Variants in ZRANB3 observed in about 807,000 individuals in gnomAD.
ZRANB3 encodes the protein zinc finger RANBP2-type containing 3, also known as DNA annealing helicase and endonuclease ZRANB3.
ZRANB3 carries 125 observed loss-of-function variants against 133.8 expected under a neutral mutation model. That is an observed-to-expected ratio of 0.93 (90% CI 0.81 to 1.08). ZRANB3 has a LOEUF of 1.08. Ranked by LOEUF, ZRANB3 falls within the 50% of genes least tolerant of loss-of-function variation. ZRANB3 has a pLI of 0.00. For missense variants in ZRANB3, 1,229 were observed against 1,275.5 expected, an observed-to-expected ratio of 0.96 and a Z score of 0.56; for synonymous variants, 387 against 432.7, an observed-to-expected ratio of 0.89 and a Z score of 1.31.
chr2:135,326,659 T>C (rs2104841029), intron 6 of ZRANB3, among the ~76,000 whole-genome samples: 1 of 152,052 alleles, frequency 6.6e-6, no homozygotes, highest in East Asian at 1.9e-4. Flanking sequence ...CCCAGCACTT[T>C]GGGAGGCTGA....
At chr2:135,463,375 T>C (rs1690843936) in intron 2 of ZRANB3, among the ~76,000 whole-genome samples, 1 of 152,000 alleles carries the variant, frequency 6.6e-6, no homozygotes, top group South Asian at 2.1e-4. Flanking sequence ...GAAATTTTCA[T>C]TGGTCACTTA....
chr2:135,444,084 T>C (rs1689911049), intron 2 of ZRANB3, among the ~76,000 whole-genome samples: 1 of 151,516 alleles, frequency 6.6e-6, no homozygotes, highest in Non-Finnish European at 1.5e-5. Flanking sequence ...GTAATACACA[T>C]TATTAGAATG....
intron 1 of ZRANB3, among the ~76,000 whole-genome samples, chr2:135,513,895 C>T (rs1342285194): frequency 6.6e-6 from 1 of 152,122 alleles, no homozygotes; most frequent in Non-Finnish European, 1.5e-5. Flanking sequence ...AATAGGAAAT[C>T]CTTTCCCCAT....
chr2:135,331,638 A>G (rs1345803680), intron 6 of ZRANB3, among the ~76,000 whole-genome samples: 2 of 152,128 alleles, frequency 1.3e-5, no homozygotes, highest in East Asian at 3.8e-4. Context: ...TCTAATATTG[A>G]CAGTGGGGTG....
chr2:135,515,928 T>A (rs537161997), intron 1 of ZRANB3, among the ~76,000 whole-genome samples: 2 of 152,270 alleles, frequency 1.3e-5, no homozygotes, highest in African/African-American at 4.8e-5. Context: ...TCTTTGTAGG[T>A]CTCTAAGAAT....
At chr2:135,514,065 T>G (rs1346080977) in intron 1 of ZRANB3, among the ~76,000 whole-genome samples, 1 of 152,138 alleles carries the variant, frequency 6.6e-6, no homozygotes, top group Non-Finnish European at 1.5e-5. Context: ...GAAGTCAAAC[T>G]AGGTAGCGTG....
At chr2:135,208,661 G>A (rs1175526305) in intron 18 of ZRANB3, among the ~76,000 whole-genome samples, 2 of 152,230 alleles carry the variant, frequency 1.3e-5, no homozygotes, top group African/African-American at 4.8e-5. Context: ...CCTGGTCTCA[G>A]TGTCCTTCTT....
chr2:135,329,874 G>C (rs1407453992), intron 6 of ZRANB3, among the ~76,000 whole-genome samples: 1 of 152,116 alleles, frequency 6.6e-6, no homozygotes, highest in African/African-American at 2.4e-5. Flanking sequence ...TTGGTGTATA[G>C]GAAGGCTTGT....
intron 12 of ZRANB3, among the ~76,000 whole-genome samples, chr2:135,260,754 T>C (rs1679919453): frequency 1.4e-5 from 2 of 145,840 alleles, no homozygotes; most frequent in South Asian, 2.1e-4. Flanking sequence ...TACTTGAATA[T>C]ATATAGTATA....
chr2:135,527,598 C>T (rs1002487087), intron 1 of ZRANB3, among the ~76,000 whole-genome samples: 5 of 151,950 alleles, frequency 3.3e-5, no homozygotes, highest in African/African-American at 9.7e-5. Context: ...TTGTGTTATG[C>T]GTTTTTAACA....
chr2:135,329,854 TTGTC>T (rs1186629884), intron 6 of ZRANB3, among the ~76,000 whole-genome samples: 10 of 152,160 alleles, frequency 6.6e-5, no homozygotes, highest in African/African-American at 1.4e-4. Context: ...GGCTCTCTGT[TTGTC>T]TGTTTTTGGT....
chr2:135,414,072 C>A (rs1030543651), intron 2 of ZRANB3, among the ~76,000 whole-genome samples: 1 of 151,766 alleles, frequency 6.6e-6, no homozygotes, highest in Non-Finnish European at 1.5e-5. Flanking sequence ...CAGCTAACAT[C>A]ATAATGGCAG....
intron 1 of ZRANB3, chr2:135,510,971 C>T (rs1693425807): frequency 7.6e-6 from 6 of 792,220 alleles, no homozygotes; most frequent in Non-Finnish European, 1.4e-5. Context: ...TGTCACCTTG[C>T]TCACCAGCCT....
chr2:135,291,899 T>C (rs552337417), intron 8 of ZRANB3, among the ~76,000 whole-genome samples: 16 of 152,324 alleles, frequency 1.1e-4, no homozygotes, highest in Admixed American at 9.8e-4. Context: ...TCCAGCTTCA[T>C]CCATGTCCCT....
rs59739293 is a variant in ZRANB3 at position 135,287,670 on chromosome 2, CTTT to C, written c.967-11918_967-11916del. On this transcript the variant is annotated intron_variant, in intron 8 of 20. Coordinates refer to ENST00000264159, the MANE Select transcript of ZRANB3 (RefSeq NM_032143.4). ...GTCCTTGGTTAGGTATATTTCTTTC[CTTT>C]TTTTTTTTTTTTTTTGCAGCTATTA... is the stretch of plus-strand genomic sequence containing the variant. Among the ~76,000 whole-genome samples the C allele has an allele frequency of 3.7e-4, 36 of 98,052 alleles. 1 individual carries two copies. The highest frequency in any genetic ancestry group is 2.9e-3 in the Admixed American group (26 of 8,910). 64.3% of individuals were successfully genotyped at this position (98,052 alleles called of 152,430 possible).
chr2:135,504,593 T>A, intron 1 of ZRANB3, 97 bp from the exon 2 acceptor site: 5 of 1,106,006 alleles, frequency 4.5e-6, no homozygotes, highest in Non-Finnish European at 3.7e-6. Context: ...AAAGTACTTA[T>A]AAATAGCTTT....
chr2:135,320,692 T>C (rs1268075367), intron 6 of ZRANB3, among the ~76,000 whole-genome samples: 1 of 152,242 alleles, frequency 6.6e-6, no homozygotes, highest in Non-Finnish European at 1.5e-5. Context: ...TATGCTTATC[T>C]GTGTTCATGA....
rs183537189 is a variant in ZRANB3, at chr2:135,412,422, C to A, written c.162-21602G>T. 1.4e-3 allele frequency among the ~76,000 whole-genome samples: 217 copies of A among 152,220 alleles called. 1 individual carries two copies. The highest frequency in any genetic ancestry group is 5.1e-3 in the African/African-American group (210 of 41,550). The stretch of plus-strand genomic sequence containing the variant: ...ATTTTAATATTGTAAGTCATTTTTA[C>A]TACTTATAAAATAATTATAAACTAG... On this transcript the variant is annotated intron_variant, in intron 2 of 20. Transcript: ENST00000264159.
intron 8 of ZRANB3, among the ~76,000 whole-genome samples, chr2:135,279,121 T>G (rs571116200): frequency 1.3e-5 from 2 of 152,248 alleles, no homozygotes; most frequent in Non-Finnish European, 2.9e-5. Flanking sequence ...GGTTGTTGCC[T>G]TTGAGAAATA....
Sources: gnomAD v4.1 joint callset for allele counts (sites outside exome capture counted in the v4.1 genomes callset) on GRCh38, gnomAD v4.1.1 for gene constraint, MANE v1.5 for transcripts, NCBI Gene and HGNC (gene_info 2026-07-23, HGNC 2026-07-21) for gene names.